The following HRH4 variants were observed in gnomAD, a reference collection of about 807,000 sequenced individuals.
The protein encoded by HRH4 is histamine receptor H4, also known as histamine H4 receptor.
Under a neutral mutation model 10.4 loss-of-function variants are expected in HRH4, and 12 were observed. The ratio of observed to expected loss-of-function variants is 1.15; its 90% CI spans 0.74 to 1.87. The LOEUF (loss-of-function observed/expected upper bound fraction) is 1.87. HRH4 is among the 40% of genes most tolerant of loss of function. The pLI is 0.00. For missense variants in HRH4, 415 were observed against 453.3 expected (o/e 0.92, Z 0.77); for synonymous variants, 154 against 166.6 (o/e 0.92, Z 0.58).
At chr18:24,464,172 T>A (rs936639999) in intron 1 of HRH4, among the ~76,000 whole-genome samples, 1 of 152,190 alleles carries the variant, frequency 6.6e-6, no homozygotes, top group African/African-American at 2.4e-5. Context: ...CTGGGTGGCT[T>A]AAACAACTGA....
Position 24,477,008 on chromosome 18 carries a change from C to T in HRH4, c.619C>T (p.Leu207Phe). The change falls in exon 3 of 3, where the codon CTC becomes TTC. Residue 207 changes from leucine (L) to phenylalanine (F), a missense_variant. Physicochemically the swap from Leu to Phe is conservative, Grantham distance 22. Coordinates refer to ENST00000256906, the MANE Select transcript of HRH4 (RefSeq NM_021624.4). ...TTGGAGCCTGTGGAAGCGTGATCATCTCAGTAGGTGCCAAAGCCATCCTGG... is the reference window on the plus strand; with the variant it reads ...TTGGAGCCTGTGGAAGCGTGATCATTTCAGTAGGTGCCAAAGCCATCCTGG... The part of the protein sequence containing the change: ...IYWSLWKRDH[L>F]SRCQSHPGLT... 6.2e-7 allele frequency: 1 copy of T among 1,614,208 alleles called. No homozygotes were observed. Among genetic ancestry groups the T allele is most frequent in the Non-Finnish European group, 8.5e-7 (1 of 1,180,028 alleles).
chr18:24,465,475 A>T (rs557582390), intron 1 of HRH4, among the ~76,000 whole-genome samples: 1 of 151,972 alleles, frequency 6.6e-6, no homozygotes, highest in African/African-American at 2.4e-5. Context: ...GGGACTGCGG[A>T]GGTGGGGGCA....
chr18:24,470,784 A>C (rs1045731702), intron 2 of HRH4, among the ~76,000 whole-genome samples: 8 of 151,228 alleles, frequency 5.3e-5, no homozygotes, highest in African/African-American at 1.2e-4. Context: ...GATTACAGGC[A>C]TGAGCCACTG....
At chr18:24,473,158 A>AAAAAAAGTAC (rs1306905424) in intron 2 of HRH4, among the ~76,000 whole-genome samples, 3 of 152,162 alleles carry the variant, frequency 2.0e-5, no homozygotes, top group Admixed American at 6.5e-5. Flanking sequence ...CTGTCTCAAA[A>AAAAAAAGTAC]AAAAAAGTAC....
At chr18:24,461,997 G>A (rs960565328) in intron 1 of HRH4, among the ~76,000 whole-genome samples, 5 of 152,136 alleles carry the variant, frequency 3.3e-5, no homozygotes, top group African/African-American at 1.2e-4. Context: ...GAGACCCCAC[G>A]AAGACCTAAG....
At chr18:24,470,924 AG>A (rs1308499369) in intron 2 of HRH4, among the ~76,000 whole-genome samples, 1 of 140,550 alleles carries the variant, frequency 7.1e-6, no homozygotes, top group Non-Finnish European at 1.5e-5. Context: ...GTCCAGAGCA[AG>A]GGATTTTTTT....
At position 24,477,629 on chromosome 18, in the gene HRH4, A is replaced by G. The variant is rs952068932; in HGVS notation, c.*67A>G. ...CCTAAATGAATCAGGTCTGCCCTTT[A>G]TCTTGCCCTTTTCATTCTACCAACA... is the stretch of plus-strand genomic sequence containing the variant. On this transcript the variant is annotated 3_prime_UTR_variant, in exon 3 of 3. Coordinates refer to ENST00000256906, the MANE Select transcript of HRH4 (RefSeq NM_021624.4). 6.3e-6 allele frequency: 7 copies of G among 1,108,136 alleles called. No homozygotes were observed. The highest frequency in any genetic ancestry group is 2.5e-5 in the Admixed American group (1 of 39,546). 68.6% of individuals were successfully genotyped at this position (1,108,136 alleles called of 1,614,324 possible).
chr18:24,475,623 CACAA>C (rs1364440624), intron 2 of HRH4, among the ~76,000 whole-genome samples: 2 of 152,288 alleles, frequency 1.3e-5, no homozygotes, highest in East Asian at 1.9e-4. Flanking sequence ...GAGACCCTGT[CACAA>C]ACAAACAAAT....
chr18:24,465,269 C>T (rs1171537377), intron 1 of HRH4, among the ~76,000 whole-genome samples: 1 of 152,020 alleles, frequency 6.6e-6, no homozygotes, highest in African/African-American at 2.4e-5. Flanking sequence ...ACTTGGGTGA[C>T]AGAGCCAGAC....
chr18:24,468,319 G>T (rs1909833274), intron 1 of HRH4, among the ~76,000 whole-genome samples: 1 of 152,180 alleles, frequency 6.6e-6, no homozygotes, highest in South Asian at 2.1e-4. Flanking sequence ...TGGGATTACA[G>T]GCGTGAGTTA....
intron 2 of HRH4, among the ~76,000 whole-genome samples, chr18:24,472,520 A>G (rs1297318622): frequency 6.6e-6 from 1 of 152,180 alleles, no homozygotes; most frequent in Non-Finnish European, 1.5e-5. Context: ...GCTCAGGCAG[A>G]CCTTGTATCT....
chr18:24,463,328 G>A (rs1909689494), intron 1 of HRH4, among the ~76,000 whole-genome samples: 2 of 152,168 alleles, frequency 1.3e-5, no homozygotes, highest in African/African-American at 4.8e-5. Flanking sequence ...CTGCCTGCCA[G>A]CCTCATCCCT....
intron 1 of HRH4, among the ~76,000 whole-genome samples, chr18:24,466,095 C>T (rs1291852425): frequency 6.6e-6 from 1 of 151,260 alleles, no homozygotes; most frequent in Non-Finnish European, 1.5e-5. Context: ...ACCTGGTGAC[C>T]TATATTATTT....
intron 1 of HRH4, among the ~76,000 whole-genome samples, chr18:24,466,595 A>G (rs1909783354): frequency 6.6e-6 from 1 of 152,210 alleles, no homozygotes; most frequent in Non-Finnish European, 1.5e-5. Context: ...TCTTGTACCT[A>G]GGGACAGAAT....
Position 24,474,799 on chromosome 18 carries a change from G to C in HRH4, c.358-1948G>C, listed in dbSNP as rs537595763. ...CCTCCCTGGTTTAAGTGATTGTTGT[G>C]CCTCAGCCTCCCGAGAGCTGGGACT... is the stretch of plus-strand genomic sequence containing the variant. On this transcript the variant is annotated intron_variant, in intron 2 of 2. Transcript: ENST00000256906. 1.3e-3 allele frequency among the ~76,000 whole-genome samples: 204 copies of C among 151,382 alleles called. 1 individual carries two copies. Among genetic ancestry groups the C allele is most frequent in the Middle Eastern group, 3.4e-3 (1 of 292 alleles).
intron 1 of HRH4, among the ~76,000 whole-genome samples, chr18:24,465,864 A>G (rs1361842803): frequency 2.6e-5 from 4 of 152,164 alleles, no homozygotes; most frequent in Non-Finnish European, 5.9e-5. Flanking sequence ...TGCATAAATC[A>G]GAAAGCGTGT....
intron 1 of HRH4, among the ~76,000 whole-genome samples, chr18:24,465,371 C>G (rs1040097783): frequency 6.6e-6 from 1 of 152,062 alleles, no homozygotes; most frequent in Non-Finnish European, 1.5e-5. Flanking sequence ...CGCCAAGGAA[C>G]AGCAGGTGCG....
intron 1 of HRH4, among the ~76,000 whole-genome samples, chr18:24,464,124 A>G (rs1909713216): frequency 6.6e-6 from 1 of 152,084 alleles, no homozygotes; most frequent in African/African-American, 2.4e-5. Flanking sequence ...GGCCTTCTGT[A>G]TTTATCTGCT....
At chr18:24,473,957 C>T (rs1262346320) in intron 2 of HRH4, among the ~76,000 whole-genome samples, 2 of 93,842 alleles carry the variant, frequency 2.1e-5, no homozygotes, top group African/African-American at 9.3e-5. Flanking sequence ...TCAGGGACAC[C>T]ACTCCACGCA....
Sources: gnomAD v4.1 joint callset for allele counts (sites outside exome capture counted in the v4.1 genomes callset) on GRCh38, gnomAD v4.1.1 for gene constraint, MANE v1.5 for transcripts, NCBI Gene and HGNC (gene_info 2026-07-23, HGNC 2026-07-21) for gene names.